The following PCDHGA6 variants were observed in gnomAD, a reference collection of about 807,000 sequenced individuals.
PCDHGA6 encodes the protein protocadherin gamma subfamily A, 6.
A neutral mutation model predicts 60.6 loss-of-function variants in PCDHGA6; 41 were observed. That is an observed-to-expected ratio of 0.68 (90% CI 0.53 to 0.88). The LOEUF is 0.88. Among genes scored for constraint, PCDHGA6 ranks in the 40% least tolerant of loss-of-function variants. PCDHGA6 has a pLI of 0.00. For synonymous variants in PCDHGA6, 594 were observed against 524.4 expected, an observed-to-expected ratio of 1.13 and a Z score of -1.81; for missense variants, 1,312 against 1,203.0, an observed-to-expected ratio of 1.09 and a Z score of -1.34.
At chr5:141,464,282 A>AG (rs1318553407) in intron 1 of PCDHGA6, among the ~76,000 whole-genome samples, 1 of 151,396 alleles carries the variant, frequency 6.6e-6, no homozygotes, top group Non-Finnish European at 1.5e-5. Flanking sequence ...AAAAAAGCAA[A>AG]AAAAAAAACT....
rs985430498 is a variant in PCDHGA6 at position 141,387,945 on chromosome 5, C to T, written c.2424+11438C>T. The T allele has an allele frequency of 4.0e-6, 6 of 1,484,034 alleles. No homozygotes were observed. The African/African-American group carries it at 8.5e-5, about 21-fold the overall frequency. The allele number at this position is 1,484,034 out of a possible 1,614,324, so 91.9% of individuals were successfully genotyped here. A position where few individuals can be genotyped will look rare whatever the true frequency, so the allele number is the denominator to read the frequency against. On this transcript the variant is annotated intron_variant, in intron 1 of 3. Coordinates refer to ENST00000517434, the MANE Select transcript of PCDHGA6 (RefSeq NM_018919.3). ...GAGGCTGCCAGTGCTCTTTCTCTTC[C>T]TGCTGTCTTTGTTCTGCCCGGCGCT...
At chr5:141,467,097 G>A (rs912875702) in intron 1 of PCDHGA6, among the ~76,000 whole-genome samples, 1 of 150,152 alleles carries the variant, frequency 6.7e-6, no homozygotes, top group Non-Finnish European at 1.5e-5. Context: ...CTGTCACACA[G>A]GCTGGAGTAC....
intron 1 of PCDHGA6, chr5:141,422,354 A>G: frequency 6.4e-7 from 1 of 1,557,090 alleles, no homozygotes; most frequent in Non-Finnish European, 8.6e-7. Flanking sequence ...CAAGATCAAG[A>G]TTCTGGAGAA....
At chr5:141,400,756 C>G (rs1220648843) in intron 1 of PCDHGA6, 1 of 584,890 alleles carries the variant, frequency 1.7e-6, no homozygotes, top group African/African-American at 1.9e-5. Context: ...AGCTTCCTCT[C>G]TAGCAAAAAC....
At chr5:141,463,075 A>G (rs943294678) in intron 1 of PCDHGA6, among the ~76,000 whole-genome samples, 3 of 152,180 alleles carry the variant, frequency 2.0e-5, no homozygotes, top group East Asian at 1.9e-4. Context: ...ATGAAATTCA[A>G]ACATTTTCCA....
chr5:141,414,227 T>C (rs771676386), intron 1 of PCDHGA6: 2 of 1,613,430 alleles, frequency 1.2e-6, no homozygotes, highest in Non-Finnish European at 1.7e-6. Flanking sequence ...AGTCCAGAGC[T>C]GACCATCACG....
At chr5:141,419,630 G>T in intron 1 of PCDHGA6, 2 of 1,612,430 alleles carry the variant, frequency 1.2e-6, no homozygotes, top group African/African-American at 1.3e-5. Flanking sequence ...GGTGACCAAG[G>T]TGGTGGCCGT....
intron 1 of PCDHGA6, chr5:141,389,837 AC>A (rs2091936174): frequency 6.2e-7 from 1 of 1,613,842 alleles, no homozygotes. Flanking sequence ...GACAGCCACC[AC>A]TCTCGGCCAC....
At chr5:141,407,505 T>TTTTTTTTTTTTTTTTTTTTTGAG (rs1460306566) in intron 1 of PCDHGA6, among the ~76,000 whole-genome samples, 2 of 152,146 alleles carry the variant, frequency 1.3e-5, no homozygotes, top group African/African-American at 4.8e-5. Context: ...CTGTTTTTCT[T>TTTTTTTTTTTTTTTTTTTTTGAG]AGGCTATGTA....
rs11575954 is a variant in PCDHGA6 at position 141,376,006 on chromosome 5, C to A, written c.1923C>A (p.Ser641Arg). 8.7e-3 allele frequency: 14,039 copies of A among 1,613,452 alleles called. 99 individuals carry two copies. Among genetic ancestry groups the A allele is most frequent in the Middle Eastern group, 0.011 (63 of 5,814 alleles). ...TGGACAGAGACGCGCTCAAGCAGAGCCTAGTGGTGGCCGTCCAGGACCACG... is the reference window on the plus strand; with the variant it reads ...TGGACAGAGACGCGCTCAAGCAGAGACTAGTGGTGGCCGTCCAGGACCACG... ...ALLDRDALKQ[S>R]LVVAVQDHGQ... Residue 641 changes from serine to arginine, a missense_variant, in exon 1 of 4, where the codon AGC (serine) becomes AGA (arginine). Transcript: ENST00000517434.
At position 141,511,399 on chromosome 5, in the gene PCDHGA6, A is replaced by C; in HGVS notation, c.*226A>C. 1.0e-6 allele frequency: 1 copy of C among 987,714 alleles called. No homozygotes were observed. The highest frequency in any genetic ancestry group is 1.4e-6 in the Non-Finnish European group (1 of 693,342). The allele number at this position is 987,714 out of a possible 1,614,324, so 61.2% of individuals were successfully genotyped here. ...CAGTTCCGCTGGGAACCCCCATCCA[A>C]TCAACTGCTGTACCCATGGGGGTAG... On this transcript the variant is annotated 3_prime_UTR_variant, in exon 4 of 4. Transcript: ENST00000517434.
chr5:141,476,803 T>G lies in PCDHGA6; in HGVS notation c.2425-18004T>G, dbSNP rs756358461. 3 of 1,613,688 alleles carry G rather than the reference T, an allele frequency of 1.9e-6. No individual in the cohort carries two copies. The highest frequency in any genetic ancestry group is 2.2e-5 in the South Asian group (2 of 91,092). ...CCCCAGCTCTCTCCGCCAGCCTGCCTATTCACATCAAGGTGCTGGACGCGA... is the reference window on the plus strand; with the variant it reads ...CCCCAGCTCTCTCCGCCAGCCTGCCGATTCACATCAAGGTGCTGGACGCGA... On this transcript the variant is annotated intron_variant, in intron 1 of 3. Transcript: ENST00000517434. The surrounding 1 kb of genome is among the most constrained non-coding windows in gnomAD (Gnocchi z 7.6).
At chr5:141,405,353 AT>A in intron 1 of PCDHGA6, 3 of 1,614,026 alleles carry the variant, frequency 1.9e-6, no homozygotes, top group Non-Finnish European at 2.5e-6. Context: ...CAAGTTTCCT[AT>A]AGAAGACACC....
At chr5:141,465,522 G>A (rs1416012695) in intron 1 of PCDHGA6, among the ~76,000 whole-genome samples, 1 of 152,112 alleles carries the variant, frequency 6.6e-6, no homozygotes, top group Non-Finnish European at 1.5e-5. Context: ...AGGATTCTGG[G>A]GAAGTTTTCC....
At chr5:141,509,094 T>C (rs1038935185) in intron 3 of PCDHGA6, among the ~76,000 whole-genome samples, 4 of 152,152 alleles carry the variant, frequency 2.6e-5, no homozygotes, top group African/African-American at 9.7e-5. Context: ...AAATGGGGGC[T>C]GTAGAAACCT....
intron 1 of PCDHGA6, among the ~76,000 whole-genome samples, chr5:141,447,749 T>G (rs1462661604): frequency 6.6e-6 from 1 of 152,196 alleles, no homozygotes; most frequent in Non-Finnish European, 1.5e-5. Context: ...GAGTCTTGCA[T>G]GTGACTGTAT....
intron 1 of PCDHGA6, chr5:141,389,933 G>T: frequency 1.9e-6 from 3 of 1,614,068 alleles, no homozygotes; most frequent in Non-Finnish European, 2.5e-6. Context: ...CTGACCTCCA[G>T]GCTGAGCTGC....
rs923900490 is a variant in PCDHGA6, at chr5:141,383,761, C to T, written c.2424+7254C>T. 6 of 1,613,834 alleles carry T rather than the reference C, an allele frequency of 3.7e-6. No individual in the cohort carries two copies. The Admixed American group carries it at 1.0e-4, about 27-fold the overall frequency. Reference sequence around the variant, plus strand: ...TTCTTTTCGGAAAATAACTCCTAAACTTCCAAAGATGTTTCATCTGAACTC... The same window carrying T: ...TTCTTTTCGGAAAATAACTCCTAAATTTCCAAAGATGTTTCATCTGAACTC... On this transcript the variant is annotated intron_variant, in intron 1 of 3. Coordinates refer to ENST00000517434, the MANE Select transcript of PCDHGA6 (RefSeq NM_018919.3).
chr5:141,476,642 C>T lies in PCDHGA6; in HGVS notation c.2425-18165C>T. On this transcript the variant is annotated intron_variant, in intron 1 of 3. Transcript: ENST00000517434. This position sits in a 1 kb window ranked among gnomAD's most constrained non-coding sequence, Gnocchi z 7.6. The stretch of plus-strand genomic sequence containing the variant: ...CTCTTTACAAACCTATGAGCTGAGC[C>T]GAAATGAATACTTTGCGCTTCGCGT... The T allele has an allele frequency of 1.9e-6, 3 of 1,614,240 alleles. No individual in the cohort carries two copies. The highest frequency in any genetic ancestry group is 2.5e-6 in the Non-Finnish European group (3 of 1,180,050).
Sources: allele counts gnomAD v4.1 joint callset (sites outside exome capture counted in the v4.1 genomes callset), GRCh38; gene constraint gnomAD v4.1.1; non-coding constraint Gnocchi (gnomAD v3.1); transcripts MANE v1.5; gene names NCBI Gene and HGNC (gene_info 2026-07-23, HGNC 2026-07-21).